Variants in TRHDE observed in about 807,000 individuals in gnomAD.
TRHDE encodes thyrotropin releasing hormone degrading enzyme.
A neutral mutation model predicts 125.7 loss-of-function variants in TRHDE; 72 were observed. The ratio of observed to expected loss-of-function variants is 0.57; its 90% confidence interval spans 0.47 to 0.70. The LOEUF is 0.70. Among genes scored for constraint, TRHDE ranks in the 30% least tolerant of loss-of-function variants. The probability of loss-of-function intolerance (pLI) is 0.00; values close to 1 mark genes in which losing one functional copy is unlikely to be tolerated. For missense variants in TRHDE, 1,110 were observed against 1,327.1 expected, an observed-to-expected ratio of 0.84 and a Z score of 2.54; for synonymous variants, 509 against 509.1, an observed-to-expected ratio of 1.00 and a Z score of 0.00.
At chr12:72,174,394 A>G (rs61924314) in intron 2 of TRHDE, among the ~76,000 whole-genome samples, 5,406 of 152,344 alleles carry the variant, frequency 0.035, 150 homozygotes, top group Non-Finnish European at 0.061. Context: ...ACAAAGTAAA[A>G]TGATAAAAAT....
chr12:72,578,342 C>T (rs1366149793), intron 12 of TRHDE, among the ~76,000 whole-genome samples: 1 of 151,976 alleles, frequency 6.6e-6, no homozygotes, highest in Non-Finnish European at 1.5e-5. Context: ...TAGTTCAACC[C>T]CAAAGAGTGA....
intron 6 of TRHDE, among the ~76,000 whole-genome samples, chr12:72,534,982 T>G (rs576907534): frequency 1.3e-5 from 2 of 152,204 alleles, no homozygotes; most frequent in East Asian, 3.9e-4. Flanking sequence ...AATCTCATTA[T>G]GTATGGCCTT....
chr12:72,152,483 A>G (rs1191169546), intron 2 of TRHDE, among the ~76,000 whole-genome samples: 2 of 152,140 alleles, frequency 1.3e-5, no homozygotes, highest in Non-Finnish European at 2.9e-5. Flanking sequence ...CCAGTTTTCA[A>G]AGGGAATACT....
At chr12:72,650,499 A>G (rs1874462892) in intron 15 of TRHDE, among the ~76,000 whole-genome samples, 1 of 151,994 alleles carries the variant, frequency 6.6e-6, no homozygotes, top group African/African-American at 2.4e-5. Context: ...TTCTTCTTGA[A>G]CATTGATATT....
intron 2 of TRHDE, among the ~76,000 whole-genome samples, chr12:72,292,037 C>T (rs143219728): frequency 6.6e-6 from 1 of 152,326 alleles, no homozygotes; most frequent in East Asian, 1.9e-4. Context: ...TATATCCACT[C>T]CATTAGACAA....
intron 3 of TRHDE, among the ~76,000 whole-genome samples, chr12:72,440,929 A>G (rs993805679): frequency 3.3e-5 from 5 of 151,942 alleles, no homozygotes; most frequent in Non-Finnish European, 7.4e-5. Context: ...CAAAATGGAT[A>G]TTTATCAAGA....
chr12:72,168,415 C>T (rs2139333475), intron 2 of TRHDE, among the ~76,000 whole-genome samples: 1 of 152,262 alleles, frequency 6.6e-6, no homozygotes, highest in South Asian at 2.1e-4. Context: ...CTTATATAAA[C>T]AGAGGAGGAT....
intron 3 of TRHDE, among the ~76,000 whole-genome samples, chr12:72,451,631 T>G (rs1443773804): frequency 6.6e-6 from 1 of 152,134 alleles, no homozygotes; most frequent in Non-Finnish European, 1.5e-5. Flanking sequence ...TGGGCTCTTC[T>G]GTGGTTTTGT....
At chr12:72,556,452 G>T (rs1343750204) in intron 7 of TRHDE, among the ~76,000 whole-genome samples, 3 of 152,210 alleles carry the variant, frequency 2.0e-5, no homozygotes, top group Non-Finnish European at 4.4e-5. Flanking sequence ...AGGAGTGAAG[G>T]TTTAGCTGTT....
At chr12:72,646,792 T>C (rs1031937613) in intron 15 of TRHDE, among the ~76,000 whole-genome samples, 1 of 151,934 alleles carries the variant, frequency 6.6e-6, no homozygotes, top group Non-Finnish European at 1.5e-5. Context: ...TATAACAAAT[T>C]ATAAACATAT....
intron 6 of TRHDE, among the ~76,000 whole-genome samples, chr12:72,517,903 C>T (rs1283505664): frequency 6.6e-6 from 1 of 152,092 alleles, no homozygotes; most frequent in African/African-American, 2.4e-5. Flanking sequence ...TCATTATGTA[C>T]CCAGTTGTCA....
intron 3 of TRHDE, among the ~76,000 whole-genome samples, chr12:72,385,067 TG>T (rs1224228674): frequency 6.6e-6 from 1 of 152,118 alleles, no homozygotes; most frequent in African/African-American, 2.4e-5. Flanking sequence ...TTTCTTGCCT[TG>T]CCTTTGATTA....
rs1165917105 is a variant in TRHDE at position 72,273,014 on chromosome 12, G to A, written c.371G>A (p.Gly124Asp). 2 of 1,541,422 alleles carry A rather than the reference G, an allele frequency of 1.3e-6. No homozygotes were observed. Among genetic ancestry groups the A allele is most frequent in the South Asian group, 1.2e-5 (1 of 84,572 alleles). Residue 124 changes from glycine to aspartate, a missense_variant, in exon 1 of 19, where the codon GGC becomes GAC. Coordinates refer to ENST00000261180, the MANE Select transcript of TRHDE (RefSeq NM_013381.3). The surrounding 1 kb of genome is among the most constrained non-coding windows in gnomAD (Gnocchi z 5.3). ...AGTGCCACGCCAGGCGCCGACGGTG[G>A]CCCCTCAGGCTTTCCGGAGCGCGGC... ...GASATPGADG[G>D]PSGFPERGGN...
At chr12:72,206,107 G>A (rs1415993277) in intron 2 of TRHDE, among the ~76,000 whole-genome samples, 1 of 142,350 alleles carries the variant, frequency 7.0e-6, no homozygotes, top group Non-Finnish European at 1.5e-5. Flanking sequence ...TTTTTTTTGA[G>A]ATGGAGTCTT....
chr12:72,567,533 T>C (rs1411262661), intron 9 of TRHDE, among the ~76,000 whole-genome samples: 1 of 151,934 alleles, frequency 6.6e-6, no homozygotes, highest in Non-Finnish European at 1.5e-5. Context: ...GGAAATGCCC[T>C]TCTCTCTCAC....
chr12:72,516,029 G>A (rs568855501), intron 6 of TRHDE, among the ~76,000 whole-genome samples: 1 of 151,110 alleles, frequency 6.6e-6, no homozygotes, highest in Non-Finnish European at 1.5e-5. Context: ...GTACCATGCT[G>A]TTTTGGTTAC....
rs1875170039 is a variant in TRHDE, at chr12:72,668,303, AGTT to A, written c.*5112_*5114del. ...ACTGTCTTAAATATTTAATAAAAGC[AGTT>A]GTTAAAAATATATGTTCTAATGTTA... is the stretch of plus-strand genomic sequence containing the variant. On this transcript the variant is annotated 3_prime_UTR_variant, in exon 19 of 19. Transcript: ENST00000261180. 6.6e-6 allele frequency: 1 copy of A among 151,774 alleles called. No individual in the cohort carries two copies. Among genetic ancestry groups the A allele is most frequent in the Non-Finnish European group, 1.5e-5 (1 of 67,754 alleles). 9.4% of individuals were successfully genotyped at this position (151,774 alleles called of 1,614,324 possible).
intron 15 of TRHDE, among the ~76,000 whole-genome samples, chr12:72,623,877 G>T (rs560745350): frequency 6.6e-6 from 1 of 152,088 alleles, no homozygotes; most frequent in East Asian, 1.9e-4. Flanking sequence ...AGCTCATTTT[G>T]GTTTTGGTAA....
chr12:72,610,358 G>A (rs1872589086), intron 12 of TRHDE, among the ~76,000 whole-genome samples: 1 of 152,098 alleles, frequency 6.6e-6, no homozygotes, highest in African/African-American at 2.4e-5. Context: ...TTTTTCTCAT[G>A]TAAGCATAGT....
Sources: gnomAD v4.1 joint callset for allele counts (sites outside exome capture counted in the v4.1 genomes callset) on GRCh38, gnomAD v4.1.1 for gene constraint, Gnocchi (gnomAD v3.1) non-coding constraint, MANE v1.5 for transcripts, NCBI Gene and HGNC (gene_info 2026-07-23, HGNC 2026-07-21) for gene names.